The following CDH3 variants were observed in gnomAD, a reference collection of about 807,000 sequenced individuals.
CDH3 encodes the protein cadherin-3.
Under a neutral mutation model 82.0 loss-of-function variants are expected in CDH3, and 54 were observed. That is an observed-to-expected ratio of 0.66 (90% CI 0.53 to 0.83). The LOEUF (loss-of-function observed/expected upper bound fraction) is 0.83. Among genes scored for constraint, CDH3 ranks in the 40% least tolerant of loss-of-function variants. CDH3 has a pLI of 0.00. For synonymous variants in CDH3, 446 were observed against 437.9 expected (o/e 1.02, Z -0.23); for missense variants, 1,054 against 1,084.6 (o/e 0.97, Z 0.40).
downstream of CDH3, among the ~76,000 whole-genome samples, chr16:68,703,346 G>T (rs984013103): frequency 2.0e-5 from 3 of 152,192 alleles, no homozygotes; most frequent in Non-Finnish European, 2.9e-5. Context: ...TCAGGGAGAA[G>T]ACCCAGCCCG....
At chr16:68,650,349 G>C (rs1567435386) in intron 2 of CDH3, among the ~76,000 whole-genome samples, 1 of 152,138 alleles carries the variant, frequency 6.6e-6, no homozygotes, top group Non-Finnish European at 1.5e-5. Flanking sequence ...TTGTTGCCCA[G>C]GCTGGAGTGC....
Position 68,682,295 on chromosome 16 carries a change from C to T in CDH3, c.997-7C>T. 2 of 1,613,356 alleles carry T rather than the reference C, an allele frequency of 1.2e-6. No homozygotes were observed. The highest frequency in any genetic ancestry group is 2.2e-5 in the South Asian group (2 of 90,982). ...CTCTGATAGTGCTGTGCTTCTCACA[C>T]TGACAGTACGAGGCCCATGTGCCTG... On this transcript the variant is annotated splice_polypyrimidine_tract_variant and splice_region_variant and intron_variant, in intron 8 of 15. Transcript: ENST00000264012.
intron 2 of CDH3, among the ~76,000 whole-genome samples, chr16:68,672,654 C>T (rs1204659931): frequency 1.3e-5 from 2 of 152,188 alleles, no homozygotes; most frequent in African/African-American, 2.4e-5. Context: ...TGGCCAAGCA[C>T]GTCACAGCCC....
rs575458258 is a variant in CDH3, at chr16:68,707,772, T to C, written c.99+11849T>C. On this transcript the variant is annotated intron_variant, in intron 1 of 2. Coordinates refer to the CDH3 transcript ENST00000569080. The surrounding 1 kb of genome is among the most constrained non-coding windows in gnomAD (Gnocchi z 4.5). ...GCTTGGTATTAGGCCCTCTCCAAGT[T>C]AGAGGTGGGGTGGGAAGCCACCCCT... Among the ~76,000 whole-genome samples, 54 of 151,794 alleles carry C rather than the reference T, an allele frequency of 3.6e-4. No homozygotes were observed. The highest frequency in any genetic ancestry group is 6.5e-4 in the Non-Finnish European group (44 of 67,904).
downstream of CDH3, among the ~76,000 whole-genome samples, chr16:68,731,020 CAAAAAAAA>C (rs1168041237): frequency 3.7e-4 from 13 of 34,862 alleles, no homozygotes; most frequent in East Asian, 2.4e-3. Flanking sequence ...AACTCCGTCT[CAAAAAAAA>C]AAAAAAAAAA....
At chr16:68,683,780 C>T (rs1051058379) in intron 9 of CDH3, among the ~76,000 whole-genome samples, 16 of 148,180 alleles carry the variant, frequency 1.1e-4, no homozygotes, top group South Asian at 2.2e-4. Flanking sequence ...ATAAAAAATT[C>T]GCTGGGGCCG....
At chr16:68,667,145 T>C (rs889901872) in intron 2 of CDH3, among the ~76,000 whole-genome samples, 4 of 152,230 alleles carry the variant, frequency 2.6e-5, no homozygotes, top group Admixed American at 2.6e-4. Context: ...AACTTTTTTC[T>C]ATATGTAGTT....
At chr16:68,704,327 A>G (rs1037818097), downstream of CDH3, among the ~76,000 whole-genome samples, 10 of 151,830 alleles carry the variant, frequency 6.6e-5, no homozygotes, top group African/African-American at 2.2e-4. Flanking sequence ...AGGGCTTGGA[A>G]GGGTGCCTGG....
At position 68,720,008 on chromosome 16, in the gene CDH3, A is replaced by G. The variant is rs541255047; in HGVS notation, c.100-2417A>G. ...TTCTCTACAAAAAATGAACAAAATT[A>G]GCCAGGCATGGTGGCATGCCCACCT... is the stretch of plus-strand genomic sequence containing the variant. On this transcript the variant is annotated intron_variant, in intron 1 of 2. Coordinates refer to the CDH3 transcript ENST00000569080. Among the ~76,000 whole-genome samples the G allele has an allele frequency of 1.2e-4, 18 of 152,164 alleles. No individual in the cohort carries two copies. The South Asian group carries it at 3.5e-3, about 30-fold the overall frequency.
intron 2 of CDH3, among the ~76,000 whole-genome samples, chr16:68,659,554 T>A (rs1960502740): frequency 6.7e-6 from 1 of 148,942 alleles, no homozygotes. Context: ...CACTCCAGCC[T>A]GGGCAACAGA....
rs149101888 is a variant in CDH3 at position 68,694,116 on chromosome 16, C to T, written c.2003-1139C>T. Among the ~76,000 whole-genome samples the T allele has an allele frequency of 1.6e-3, 239 of 151,290 alleles. 3 individuals carry two copies. The Middle Eastern group carries it at 0.043, about 27-fold the overall frequency. On this transcript the variant is annotated intron_variant, in intron 13 of 15. Transcript: ENST00000264012. The stretch of plus-strand genomic sequence containing the variant: ...CTAAAAATACAAAAATTTGAGATCA[C>T]GCCACTGCATTCCAGCCTGGGTGAC...
At chr16:68,688,600 T>C (rs1157544257) in intron 12 of CDH3, among the ~76,000 whole-genome samples, 1 of 151,092 alleles carries the variant, frequency 6.6e-6, no homozygotes, top group African/African-American at 2.4e-5. Flanking sequence ...AAAATAAAAT[T>C]AAAATGTCAC....
At chr16:68,691,188 T>C (rs1961563568) in intron 12 of CDH3, among the ~76,000 whole-genome samples, 1 of 152,018 alleles carries the variant, frequency 6.6e-6, no homozygotes, top group Non-Finnish European at 1.5e-5. Context: ...GTATTTTTAG[T>C]AGAGACGGGT....
chr16:68,704,397 G>T (rs966721815), downstream of CDH3, among the ~76,000 whole-genome samples: 1 of 152,148 alleles, frequency 6.6e-6, no homozygotes, highest in Non-Finnish European at 1.5e-5. Flanking sequence ...CACAAGGCCT[G>T]CTAGCGCTCC....
chr16:68,648,785 G>T (rs942730245), intron 2 of CDH3, among the ~76,000 whole-genome samples: 6 of 151,882 alleles, frequency 4.0e-5, no homozygotes, highest in Non-Finnish European at 1.5e-5. Flanking sequence ...CAGGGCCTGA[G>T]TGGAGAGGGT....
At chr16:68,712,576 C>T (rs1014048590) in intron 1 of CDH3, among the ~76,000 whole-genome samples, 2 of 147,346 alleles carry the variant, frequency 1.4e-5, no homozygotes, top group African/African-American at 4.9e-5. Flanking sequence ...AATCCAATAC[C>T]ATAACATTGT....
At chr16:68,657,383 G>T (rs946595612) in intron 2 of CDH3, among the ~76,000 whole-genome samples, 1 of 152,104 alleles carries the variant, frequency 6.6e-6, no homozygotes, top group African/African-American at 2.4e-5. Context: ...GCATGGTGGC[G>T]TGTGCCTGTA....
intron 1 of CDH3, among the ~76,000 whole-genome samples, chr16:68,708,635 CT>C (rs1375875703): frequency 6.8e-6 from 1 of 146,532 alleles, no homozygotes; most frequent in African/African-American, 2.5e-5. Context: ...TTCTTTCTTT[CT>C]TTTTCTTTTT....
intron 2 of CDH3, among the ~76,000 whole-genome samples, chr16:68,672,543 T>C (rs1198827133): frequency 6.6e-6 from 1 of 152,174 alleles, no homozygotes; most frequent in Non-Finnish European, 1.5e-5. Context: ...TCTACAAAGC[T>C]GTGTGCTGGC....
Sources: gnomAD v4.1 joint callset for allele counts (sites outside exome capture counted in the v4.1 genomes callset) on GRCh38, gnomAD v4.1.1 for gene constraint, Gnocchi (gnomAD v3.1) non-coding constraint, MANE v1.5 for transcripts, NCBI Gene and HGNC (gene_info 2026-07-23, HGNC 2026-07-21) for gene names.